HIP1: variants seen among roughly 807,000 people sequenced by gnomAD.
HIP1 encodes huntingtin interacting protein 1, also known as huntingtin-interacting protein 1.
HIP1 carries 65 observed loss-of-function variants against 147.6 expected under a neutral mutation model. The observed-to-expected ratio is 0.44, with a 90% CI of 0.36 to 0.54. The LOEUF (loss-of-function observed/expected upper bound fraction) is 0.54. Among genes scored for constraint, HIP1 ranks in the 20% least tolerant of loss-of-function variants. The pLI is 0.00. For missense variants in HIP1, 1,061 were observed against 1,299.6 expected, an observed-to-expected ratio of 0.82 and a Z score of 2.82; for synonymous variants, 479 against 504.0, an observed-to-expected ratio of 0.95 and a Z score of 0.67.
chr7:75,670,605 A>G (rs1799702987), intron 1 of HIP1, among the ~76,000 whole-genome samples: 1 of 151,672 alleles, frequency 6.6e-6, no homozygotes, highest in Non-Finnish European at 1.5e-5. Flanking sequence ...CCCAGCCCCT[A>G]GCAAACAGCA....
chr7:75,586,913 A>G lies in HIP1; in HGVS notation c.385-80T>C, dbSNP rs1396904447. The G allele has an allele frequency of 7.0e-5, 59 of 841,628 alleles. 1 individual carries two copies. Among genetic ancestry groups the G allele is most frequent in the Non-Finnish European group, 1.1e-4 (55 of 496,276 alleles). 52.1% of individuals were successfully genotyped at this position (841,628 alleles called of 1,614,324 possible). On this transcript the variant is annotated intron_variant, in intron 4 of 30. Transcript: ENST00000336926. ...GATCTGCAGCCAGGAATTCTCTGGT[A>G]AAGAATCTATCTTCTTTGTTTTCTC... is the stretch of plus-strand genomic sequence containing the variant.
intron 1 of HIP1, among the ~76,000 whole-genome samples, chr7:75,706,138 G>T (rs1465335062): frequency 1.3e-5 from 2 of 151,842 alleles, no homozygotes; most frequent in African/African-American, 2.4e-5. Flanking sequence ...CAAGTGATCC[G>T]CTCACCTCGC....
intron 1 of HIP1, among the ~76,000 whole-genome samples, chr7:75,690,117 T>A (rs1181610110): frequency 1.3e-5 from 2 of 152,018 alleles, no homozygotes; most frequent in African/African-American, 4.8e-5. Flanking sequence ...TACAAAAAAA[T>A]TTTAAAAATT....
chr7:75,616,165 C>T (rs1182460688), intron 1 of HIP1, among the ~76,000 whole-genome samples: 6 of 151,814 alleles, frequency 4.0e-5, no homozygotes, highest in Non-Finnish European at 7.4e-5. Flanking sequence ...GTAACATCGT[C>T]CTAGACAAGA....
intron 1 of HIP1, among the ~76,000 whole-genome samples, chr7:75,720,036 G>T (rs1801451581): frequency 6.6e-6 from 1 of 152,210 alleles, no homozygotes; most frequent in African/African-American, 2.4e-5. Context: ...GGAAAATAAG[G>T]CTCAGTGCAT....
At position 75,691,453 on chromosome 7, in the gene HIP1, T is replaced by A. The variant is rs560957637; in HGVS notation, c.120+47348A>T. The stretch of plus-strand genomic sequence containing the variant: ...TTGCAGTGAGCCAAGATCAAGCCAC[T>A]GCACTCCAGCCTGGGTGACAGAGTG... On this transcript the variant is annotated intron_variant, in intron 1 of 30. Coordinates refer to ENST00000336926, the MANE Select transcript of HIP1 (RefSeq NM_005338.7). Among the ~76,000 whole-genome samples the A allele has an allele frequency of 5.3e-5, 8 of 150,060 alleles. No individual in the cohort carries two copies. The East Asian group carries it at 1.4e-3, about 26-fold the overall frequency.
chr7:75,737,753 G>A (rs914582188), intron 1 of HIP1, among the ~76,000 whole-genome samples: 1 of 151,886 alleles, frequency 6.6e-6, no homozygotes, highest in Non-Finnish European at 1.5e-5. Context: ...GTGTTTGGGG[G>A]AAGTATTCCT....
At chr7:75,648,457 T>A (rs1300974020) in intron 1 of HIP1, among the ~76,000 whole-genome samples, 2 of 152,046 alleles carry the variant, frequency 1.3e-5, no homozygotes, top group Non-Finnish European at 2.9e-5. Context: ...GCCCCTGATA[T>A]TACTAGATCT....
intron 1 of HIP1, among the ~76,000 whole-genome samples, chr7:75,680,736 A>C (rs1027002329): frequency 6.6e-6 from 1 of 151,950 alleles, no homozygotes; most frequent in African/African-American, 2.4e-5. Flanking sequence ...CAGCCTCCCA[A>C]GTAGCTGGAA....
At chr7:75,542,791 A>G (rs1794385263) in intron 28 of HIP1, 60 bp downstream of exon 28, 2 of 1,547,688 alleles carry the variant, frequency 1.3e-6, no homozygotes, top group Non-Finnish European at 1.8e-6. Context: ...GATCACAGGG[A>G]AGGATGCAGA....
intron 13 of HIP1, among the ~76,000 whole-genome samples, chr7:75,560,399 C>T (rs1340651309): frequency 6.6e-6 from 1 of 152,116 alleles, no homozygotes; most frequent in African/African-American, 2.4e-5. Context: ...CAGGTATGCA[C>T]CACCATGCCC....
chr7:75,623,347 G>A (rs1397558375), intron 1 of HIP1, among the ~76,000 whole-genome samples: 1 of 152,278 alleles, frequency 6.6e-6, no homozygotes, highest in South Asian at 2.1e-4. Flanking sequence ...GCAGCCGCTG[G>A]GAGGAGGTGG....
At chr7:75,561,551 A>G in intron 12 of HIP1, 150 bp from the exon 13 acceptor site, 1 of 645,212 alleles carries the variant, frequency 1.5e-6, no homozygotes, top group Non-Finnish European at 2.8e-6. Context: ...GTTACCAGAT[A>G]CTAATCTAAT....
chr7:75,573,533 T>C (rs1284855476), intron 8 of HIP1, among the ~76,000 whole-genome samples: 1 of 152,210 alleles, frequency 6.6e-6, no homozygotes, highest in Non-Finnish European at 1.5e-5. Flanking sequence ...CCAAAGATCC[T>C]GTAACACTGG....
intron 1 of HIP1, among the ~76,000 whole-genome samples, chr7:75,614,992 C>T (rs992003985): frequency 4.6e-5 from 7 of 151,860 alleles, no homozygotes; most frequent in Admixed American, 3.3e-4. Flanking sequence ...TGTCTTGTCT[C>T]GAACTCCTGA....
chr7:75,563,332 C>T (rs781918666), intron 9 of HIP1, 69 bp from the exon 10 acceptor site: 273 of 1,464,992 alleles, frequency 1.9e-4, no homozygotes, highest in Non-Finnish European at 2.5e-4. Flanking sequence ...ACAGAGCAGC[C>T]ACCTGGCTTT....
Position 75,536,799 on chromosome 7 carries a change from G to A in HIP1, c.*1373C>T, listed in dbSNP as rs999177268. 63 of 229,898 alleles carry A rather than the reference G, an allele frequency of 2.7e-4. No homozygotes were observed. Among genetic ancestry groups the A allele is most frequent in the African/African-American group, 1.3e-3 (59 of 45,224 alleles). The allele number at this position is 229,898 out of a possible 1,614,324, so 14.2% of individuals were successfully genotyped here. A position where few individuals can be genotyped will look rare whatever the true frequency, so the allele number is the denominator to read the frequency against. On this transcript the variant is annotated 3_prime_UTR_variant, in exon 31 of 31. Transcript: ENST00000336926. ...CTGATTCTTGAAGGCTGATGTAGCCGGGCAGAAAGATGAGCCTTGCTAGAG... is the reference window on the plus strand; with the variant it reads ...CTGATTCTTGAAGGCTGATGTAGCCAGGCAGAAAGATGAGCCTTGCTAGAG...
intron 29 of HIP1, among the ~76,000 whole-genome samples, chr7:75,541,517 C>A (rs1794313790): frequency 6.8e-6 from 1 of 146,138 alleles, no homozygotes; most frequent in Non-Finnish European, 1.5e-5. Flanking sequence ...GGCGACAGAG[C>A]AAGACTCCGT....
At chr7:75,602,781 A>C (rs1797055651) in intron 1 of HIP1, among the ~76,000 whole-genome samples, 2 of 150,032 alleles carry the variant, frequency 1.3e-5, no homozygotes, top group Non-Finnish European at 1.5e-5. Flanking sequence ...CCCGCCCCAC[A>C]AAAATATATA....
Sources: gnomAD v4.1 joint callset for allele counts (sites outside exome capture counted in the v4.1 genomes callset) on GRCh38, gnomAD v4.1.1 for gene constraint, MANE v1.5 for transcripts, NCBI Gene and HGNC (gene_info 2026-07-23, HGNC 2026-07-21) for gene names.